Variants in SPEG observed in about 807,000 individuals in gnomAD.
The protein encoded by SPEG is striated muscle preferentially expressed protein kinase.
Under a neutral mutation model 300.4 loss-of-function variants are expected in SPEG, and 114 were observed. That is an observed-to-expected ratio of 0.38 (90% confidence interval 0.33 to 0.44). SPEG has a LOEUF of 0.44. SPEG is among the 20% of genes least tolerant of loss of function. The probability of loss-of-function intolerance (pLI) is 1.00; values close to 1 mark genes in which losing one functional copy is unlikely to be tolerated. For missense variants in SPEG, 4,201 were observed against 4,586.2 expected (o/e 0.92, Z 2.43); for synonymous variants, 1,964 against 2,018.9 (o/e 0.97, Z 0.73).
rs1691104643 is a variant in SPEG, at chr2:219,464,788, G to A, written c.2881+180G>A. 4 of 603,000 alleles carry A rather than the reference G, an allele frequency of 6.6e-6. No homozygotes were observed. Among genetic ancestry groups the A allele is most frequent in the East Asian group, 5.6e-5 (2 of 35,820 alleles). The allele number at this position is 603,000 out of a possible 1,614,324, so 37.4% of individuals were successfully genotyped here. On this transcript the variant is annotated intron_variant, in intron 9 of 40. Transcript: ENST00000312358. This position sits in a 1 kb window ranked among gnomAD's most constrained non-coding sequence, Gnocchi z 4.5. ...AAAGCCCAGAGACAGGAAGTGACCTGCCCAAAGCTGCACAGCACATTGTTC... is the reference window on the plus strand; with the variant it reads ...AAAGCCCAGAGACAGGAAGTGACCTACCCAAAGCTGCACAGCACATTGTTC...
chr2:219,461,512 C>T, intron 6 of SPEG: 3 of 1,101,374 alleles, frequency 2.7e-6, no homozygotes, highest in Non-Finnish European at 3.3e-6. Flanking sequence ...CTTTTGGAGC[C>T]TGCAGTTGGT....
Position 219,483,684 on chromosome 2 carries a change from T to C in SPEG, c.6221T>C (p.Leu2074Pro), listed in dbSNP as rs1330582970. The C allele has an allele frequency of 2.0e-6, 3 of 1,533,838 alleles. No individual in the cohort carries two copies. In the East Asian group the frequency reaches 7.4e-5, roughly 38 times the overall value. ...AQRLQALRQR[L>P]LRGGPEDGKV... ...AGGCTGCAGGCCCTGCGCCAGCGGCTGCTGCGGGGAGGCCCCGAGGATGGC... is the reference window on the plus strand; with the variant it reads ...AGGCTGCAGGCCCTGCGCCAGCGGCCGCTGCGGGGAGGCCCCGAGGATGGC... Residue 2074 changes from leucine (L) to proline (P), a missense_variant, in exon 30 of 41, where the codon CTG becomes CCG. Around this residue, in one of 4 missense-constraint regions of SPEG, gnomAD observed 1,578 missense variants for 1,506.0 expected, o/e 1.05. Transcript: ENST00000312358.
rs556438395 is a variant in SPEG, at chr2:219,485,567, G to A, written c.7741+90G>A. The A allele has an allele frequency of 5.0e-5, 69 of 1,391,052 alleles. No individual in the cohort carries two copies. In the African/African-American group the frequency reaches 9.7e-4, roughly 19 times the overall value. The allele number at this position is 1,391,052 out of a possible 1,614,324, so 86.2% of individuals were successfully genotyped here. The stretch of plus-strand genomic sequence containing the variant: ...AGCAGTCATGGCTGGTGAGAGGTGG[G>A]CCACCTTGACAAACCTAGTGGAAGG... On this transcript the variant is annotated intron_variant, in intron 31 of 40. Transcript: ENST00000312358.
At position 219,491,830 on chromosome 2, in the gene SPEG, C is replaced by A. The variant is rs755194015; in HGVS notation, c.9422C>A (p.Ala3141Asp). The change falls in exon 39 of 41, where the codon GCC becomes GAC. Residue 3141 changes from alanine to aspartate, a missense_variant. Around this residue, in one of 4 missense-constraint regions of SPEG, gnomAD observed 318 missense variants for 429.5 expected, o/e 0.74. Transcript: ENST00000312358. The stretch of plus-strand genomic sequence containing the variant: ...GTGAAGGGAGAACCCATCGGCTCTG[C>A]CACGGACATCTGGGGAGCGGGTGTG... ...EMVKGEPIGSATDIWGAGVLT... is the reference protein window; with the variant it reads ...EMVKGEPIGSDTDIWGAGVLT... 6.2e-7 allele frequency: 1 copy of A among 1,612,708 alleles called. No individual in the cohort carries two copies. Among genetic ancestry groups the A allele is most frequent in the East Asian group, 2.2e-5 (1 of 44,858 alleles).
At position 219,483,997 on chromosome 2, in the gene SPEG, T is replaced by A. The variant is rs1693125754; in HGVS notation, c.6534T>A (p.Pro2178=). The change falls in exon 30 of 41, where the codon CCT becomes CCA. Residue 2178 remains proline (P), a synonymous_variant. Coordinates refer to ENST00000312358, the MANE Select transcript of SPEG (RefSeq NM_005876.5). ...TCAGCGAGGCCCAGCCATCCAGCCC[T>A]GCACGGCCCAGCGCCCCCAAACCCA... is the stretch of plus-strand genomic sequence containing the variant. The part of the protein sequence containing the change: ...SALSEAQPSS[P]ARPSAPKPST... 1 of 1,612,030 alleles carries A rather than the reference T, an allele frequency of 6.2e-7. No individual in the cohort carries two copies. Among genetic ancestry groups the A allele is most frequent in the African/African-American group, 1.3e-5 (1 of 74,736 alleles).
At chr2:219,454,424 C>G (rs1047811298) in intron 6 of SPEG, among the ~76,000 whole-genome samples, 1 of 152,174 alleles carries the variant, frequency 6.6e-6, no homozygotes, top group South Asian at 2.1e-4. Flanking sequence ...CCAAAGCATT[C>G]CCCACCGCTG....
rs1259965644 is a variant in SPEG, at chr2:219,477,405, G to A, written c.4689G>A (p.Ala1563=). ...ACACCTGCACCGCCCAGAACCTGGCGGGTGAGGTCTCCTGCAAAGCAGAGT... is the reference window on the plus strand; with the variant it reads ...ACACCTGCACCGCCCAGAACCTGGCAGGTGAGGTCTCCTGCAAAGCAGAGT... ...GVYTCTAQNL[A]GEVSCKAELA... The change falls in exon 20 of 41, where the codon GCG becomes GCA. Residue 1563 remains alanine (A), a synonymous_variant. Transcript: ENST00000312358. This position sits in a 1 kb window ranked among gnomAD's most constrained non-coding sequence, Gnocchi z 6.4. 1.2e-6 allele frequency: 2 copies of A among 1,603,890 alleles called. No individual in the cohort carries two copies. The highest frequency in any genetic ancestry group is 1.7e-6 in the Non-Finnish European group (2 of 1,175,314).
intron 8 of SPEG, among the ~76,000 whole-genome samples, chr2:219,463,295 A>C (rs759584895): frequency 6.6e-5 from 10 of 150,682 alleles, no homozygotes; most frequent in South Asian, 4.2e-4. Context: ...GGCCTCGCTC[A>C]TCCCAGGTGC....
chr2:219,444,000 C>T lies in SPEG; in HGVS notation c.389-653C>T, dbSNP rs1689099393. On this transcript the variant is annotated intron_variant, in intron 1 of 40. Coordinates refer to ENST00000312358, the MANE Select transcript of SPEG (RefSeq NM_005876.5). This position sits in a 1 kb window ranked among gnomAD's most constrained non-coding sequence, Gnocchi z 4.6. ...CGCTCTGATAACAGTCTGTCCCTGTCTCTCTCCTGCTGCTCCTATGGAAGC... is the reference window on the plus strand; with the variant it reads ...CGCTCTGATAACAGTCTGTCCCTGTTTCTCTCCTGCTGCTCCTATGGAAGC... The T allele has an allele frequency of 1.5e-6, 2 of 1,363,464 alleles. No homozygotes were observed. Among genetic ancestry groups the T allele is most frequent in the African/African-American group, 1.5e-5 (1 of 67,710 alleles). 84.5% of individuals were successfully genotyped at this position (1,363,464 alleles called of 1,614,324 possible). A position where few individuals can be genotyped will look rare whatever the true frequency, so the allele number is the denominator to read the frequency against.
chr2:219,436,644 A>G (rs935129622), intron 1 of SPEG, among the ~76,000 whole-genome samples: 5 of 152,138 alleles, frequency 3.3e-5, no homozygotes, highest in Non-Finnish European at 5.9e-5. Context: ...GCCTCCCTCC[A>G]TCGGCATCTC....
chr2:219,473,197 G>A lies in SPEG; in HGVS notation c.4147+101G>A. On this transcript the variant is annotated intron_variant, in intron 16 of 40. Coordinates refer to ENST00000312358, the MANE Select transcript of SPEG (RefSeq NM_005876.5). The surrounding 1 kb of genome is among the most constrained non-coding windows in gnomAD (Gnocchi z 4.6). ...AAGGGATGGCCTGGACATGGTAACT[G>A]GCAGGAGCAGCCTAGCCGGGCGGGA... The A allele has an allele frequency of 8.4e-7, 1 of 1,192,222 alleles. No individual in the cohort carries two copies. The highest frequency in any genetic ancestry group is 1.4e-5 in the South Asian group (1 of 69,626). 73.9% of individuals were successfully genotyped at this position (1,192,222 alleles called of 1,614,324 possible).
rs1414222011 is a variant in SPEG at position 219,451,720 on chromosome 2, A to G, written c.2353A>G (p.Arg785Gly). ...ERHTLLLREA[R>G]AADAGSYMAT... Reference sequence around the variant, plus strand: ...GCACACCCTGCTGCTCAGGGAGGCCAGGGCAGCAGATGCCGGGAGCTATAT... The same window carrying G: ...GCACACCCTGCTGCTCAGGGAGGCCGGGGCAGCAGATGCCGGGAGCTATAT... The change falls in exon 6 of 41, where the codon AGG (arginine) becomes GGG (glycine). Residue 785 changes from arginine (R) to glycine (G), a missense_variant. Coordinates refer to ENST00000312358, the MANE Select transcript of SPEG (RefSeq NM_005876.5). The surrounding 1 kb of genome is among the most constrained non-coding windows in gnomAD (Gnocchi z 6.4). The G allele has an allele frequency of 6.4e-7, 1 of 1,565,804 alleles. No individual in the cohort carries two copies. The highest frequency in any genetic ancestry group is 8.7e-7 in the Non-Finnish European group (1 of 1,155,986).
At chr2:219,474,011 G>A in intron 18 of SPEG, 108 bp downstream of exon 18, 1 of 1,169,968 alleles carries the variant, frequency 8.5e-7, no homozygotes, top group Non-Finnish European at 1.2e-6. Flanking sequence ...CCAAACCCAT[G>A]TCCTCTGGTC....
chr2:219,472,320 A>G lies in SPEG; in HGVS notation c.3929A>G (p.Asp1310Gly). 1 of 1,613,582 alleles carries G rather than the reference A, an allele frequency of 6.2e-7. No homozygotes were observed. The highest frequency in any genetic ancestry group is 1.3e-5 in the African/African-American group (1 of 75,024). Residue 1310 changes from aspartate to glycine, a missense_variant, in exon 15 of 41, where the codon GAC (aspartate) becomes GGC (glycine). Around this residue, in one of 4 missense-constraint regions of SPEG, gnomAD observed 1,047 missense variants for 1,356.8 expected, o/e 0.77. Coordinates refer to ENST00000312358, the MANE Select transcript of SPEG (RefSeq NM_005876.5). ...TLTWNPPRSL[D>G]MAIDPDSLTY... ...ACATGGAACCCCCCCAGGAGTCTGG[A>G]CATGGCCATCGGTGGGTCAGGGCTG...
Position 219,468,865 on chromosome 2 carries a change from C to G in SPEG, c.3308C>G (p.Pro1103Arg), listed in dbSNP as rs56334571. Reference protein sequence around the residue: ...PVVTWTHFGCPMEESENLRLR... With the variant: ...PVVTWTHFGCRMEESENLRLR... Reference sequence around the variant, plus strand: ...CCACCCCTCCTTTCTGCAGGCTGCCCCATGGAGGAGAGTGAGAACTTGCGG... The same window carrying G: ...CCACCCCTCCTTTCTGCAGGCTGCCGCATGGAGGAGAGTGAGAACTTGCGG... Residue 1103 changes from proline to arginine, a missense_variant, in exon 12 of 41, where the codon CCC becomes CGC. Transcript: ENST00000312358. 1.2e-6 allele frequency: 2 copies of G among 1,612,076 alleles called. No individual in the cohort carries two copies. The highest frequency in any genetic ancestry group is 2.7e-5 in the African/African-American group (2 of 74,918).
chr2:219,452,850 G>C (rs1446849895), intron 6 of SPEG, among the ~76,000 whole-genome samples: 1 of 152,134 alleles, frequency 6.6e-6, no homozygotes, highest in African/African-American at 2.4e-5. Context: ...CCATCCCAGG[G>C]CCTCAGCACC....
At chr2:219,472,432 G>A in intron 15 of SPEG, 101 bp downstream of exon 15, 1 of 1,013,948 alleles carries the variant, frequency 9.9e-7, no homozygotes, top group Non-Finnish European at 1.5e-6. Context: ...CGGATGGGCA[G>A]GGGCAGGAGC....
Position 219,490,807 on chromosome 2 carries a change from A to G in SPEG, c.9236A>G (p.His3079Arg), listed in dbSNP as rs12464085. The G allele has an allele frequency of 0.34, 551,771 of 1,613,792 alleles. 98,044 individuals carry two copies. The highest frequency in any genetic ancestry group is 0.54 in the African/African-American group (40,219 of 74,944). ...LLQGLDYLHG[H>R]HVLHLDIKPD... Reference sequence around the variant, plus strand: ...CAAGGCCTGGACTACCTCCACGGCCACCACGTGCTCCACCTAGACATCAAG... The same window carrying G: ...CAAGGCCTGGACTACCTCCACGGCCGCCACGTGCTCCACCTAGACATCAAG... Residue 3079 changes from histidine (H) to arginine (R), a missense_variant, in exon 38 of 41, where the codon CAC (histidine) becomes CGC (arginine). This residue lies in a region of SPEG where 318 missense variants were observed against 429.5 expected (regional missense o/e 0.74). Coordinates refer to ENST00000312358, the MANE Select transcript of SPEG (RefSeq NM_005876.5).
chr2:219,480,401 C>T lies in SPEG; in HGVS notation c.5342+261C>T, dbSNP rs542079578. On this transcript the variant is annotated intron_variant, in intron 25 of 40. Transcript: ENST00000312358. This position sits in a 1 kb window ranked among gnomAD's most constrained non-coding sequence, Gnocchi z 5.3. ...CCGGGCCTTCCCCTCAGCATTCAGC[C>T]TGCCTCCTCCAGTAAGGCAGGCATG... Among the ~76,000 whole-genome samples the T allele has an allele frequency of 6.6e-6, 1 of 152,246 alleles. No individual in the cohort carries two copies. The highest frequency in any genetic ancestry group is 2.4e-5 in the African/African-American group (1 of 41,558).
Sources: allele counts gnomAD v4.1 joint callset (sites outside exome capture counted in the v4.1 genomes callset), GRCh38; gene constraint gnomAD v4.1.1; regional missense constraint gnomAD v4.1.1; non-coding constraint Gnocchi (gnomAD v3.1); transcripts MANE v1.5; gene names NCBI Gene and HGNC (gene_info 2026-07-23, HGNC 2026-07-21).